Variants in PIK3C2G observed in about 807,000 individuals in gnomAD.
The protein encoded by PIK3C2G is phosphatidylinositol-4-phosphate 3-kinase catalytic subunit type 2 gamma.
PIK3C2G carries 168 observed loss-of-function variants against 181.1 expected under a neutral mutation model. The ratio of observed to expected loss-of-function variants is 0.93; its 90% confidence interval spans 0.82 to 1.05. The LOEUF (loss-of-function observed/expected upper bound fraction) is 1.05. PIK3C2G is among the 50% of genes least tolerant of loss of function. The pLI is 0.00. For synonymous variants in PIK3C2G, 573 were observed against 592.2 expected, an observed-to-expected ratio of 0.97 and a Z score of 0.47; for missense variants, 1,869 against 1,732.8, an observed-to-expected ratio of 1.08 and a Z score of -1.40.
intron 32 of PIK3C2G, among the ~76,000 whole-genome samples, chr12:18,645,222 CA>C (rs1950056036): frequency 6.6e-6 from 1 of 152,060 alleles, no homozygotes; most frequent in South Asian, 2.1e-4. Context: ...GAAAAGGTCT[CA>C]AAGAATATAA....
At chr12:18,653,952 T>C in the PIK3C2G span, among the ~76,000 whole-genome samples, 33 of 152,100 alleles carry the variant, frequency 2.2e-4, no homozygotes, top group Non-Finnish European at 4.1e-4. Flanking sequence ...GGCTCCATGA[T>C]TCCGATTTAC....
chr12:18,259,077 C>A (rs763329686), upstream of PIK3C2G, among the ~76,000 whole-genome samples: 1 of 151,910 alleles, frequency 6.6e-6, no homozygotes, highest in Admixed American at 6.6e-5. Flanking sequence ...TGTTTTTCAC[C>A]CAGGTAGTAA....
the PIK3C2G span, chr12:18,684,320 C>T: frequency 6.5e-7 from 1 of 1,539,220 alleles, no homozygotes. Flanking sequence ...TAATAGATAC[C>T]ATATCTAGGA....
intron 18 of PIK3C2G, among the ~76,000 whole-genome samples, chr12:18,432,166 A>G (rs1187546949): frequency 1.3e-5 from 2 of 152,196 alleles, no homozygotes; most frequent in Admixed American, 6.5e-5. Context: ...AAGCCTTATT[A>G]CTGCTAATAA....
At chr12:18,284,193 C>G (rs1949344175) in intron 2 of PIK3C2G, among the ~76,000 whole-genome samples, 1 of 152,092 alleles carries the variant, frequency 6.6e-6, no homozygotes, top group South Asian at 2.1e-4. Flanking sequence ...GTTAATTACA[C>G]AGACTTGAAG....
At chr12:18,290,828 G>A (rs760780384) in intron 3 of PIK3C2G, 27 bp from the exon 4 acceptor site, 3 of 1,478,788 alleles carry the variant, frequency 2.0e-6, no homozygotes, top group Non-Finnish European at 2.8e-6. Flanking sequence ...CTTGTCCTAA[G>A]TATTTTTCTT....
chr12:18,529,270 G>T (rs189872776), intron 24 of PIK3C2G, among the ~76,000 whole-genome samples: 1 of 152,056 alleles, frequency 6.6e-6, no homozygotes, highest in Non-Finnish European at 1.5e-5. Context: ...AAAGTATCAG[G>T]ATCACTTTCT....
At chr12:18,550,900 C>G in intron 26 of PIK3C2G, among the ~76,000 whole-genome samples, 1 of 151,986 alleles carries the variant, frequency 6.6e-6, no homozygotes. Flanking sequence ...CCTCTTGACC[C>G]TATTTGAGAC....
At chr12:18,415,527 TTAA>T (rs1945125659) in intron 16 of PIK3C2G, among the ~76,000 whole-genome samples, 1 of 152,184 alleles carries the variant, frequency 6.6e-6, no homozygotes, top group African/African-American at 2.4e-5. Flanking sequence ...ACTAGGCCAG[TTAA>T]TAACCCTACA....
chr12:18,491,983 G>T (rs955680297), intron 20 of PIK3C2G, among the ~76,000 whole-genome samples: 3 of 152,058 alleles, frequency 2.0e-5, no homozygotes, highest in Non-Finnish European at 2.9e-5. Context: ...ATTTTGATTC[G>T]ATTTAAAATT....
chr12:18,455,866 A>T (rs1024800298), intron 18 of PIK3C2G, among the ~76,000 whole-genome samples: 4 of 152,178 alleles, frequency 2.6e-5, no homozygotes, highest in Admixed American at 1.3e-4. Context: ...GAACACAAAC[A>T]TTCAGTTGAT....
Position 18,286,868 on chromosome 12 carries a change from C to G in PIK3C2G, c.700C>G (p.Leu234Val). The change falls in exon 3 of 33, where the codon CTA (leucine) becomes GTA (valine). Residue 234 changes from leucine to valine, a missense_variant. Transcript: ENST00000538779. The part of the protein sequence containing the change: ...NIESIGCSIQ[L>V]VEVPQSSNTS... ...TAAGTCAATAGGTTGTTCCATTCAG[C>G]TAGTGGAAGTACCTCAAAGCAGCAA... The G allele has an allele frequency of 1.3e-6, 2 of 1,561,896 alleles. No homozygotes were observed. The highest frequency in any genetic ancestry group is 1.7e-6 in the Non-Finnish European group (2 of 1,150,148).
At chr12:18,375,220 G>A (rs977854025) in intron 13 of PIK3C2G, among the ~76,000 whole-genome samples, 4 of 152,202 alleles carry the variant, frequency 2.6e-5, no homozygotes, top group African/African-American at 9.6e-5. Flanking sequence ...CCAAAATGCT[G>A]ATAGTGATAT....
At chr12:18,697,187 T>C in the PIK3C2G span, among the ~76,000 whole-genome samples, 3 of 152,118 alleles carry the variant, frequency 2.0e-5, no homozygotes, top group African/African-American at 7.2e-5. Flanking sequence ...TGGTTACTGC[T>C]TATGGCTCAC....
downstream of PIK3C2G, among the ~76,000 whole-genome samples, chr12:18,650,331 C>CTATATATATATATA (rs371220581): frequency 3.3e-5 from 3 of 91,982 alleles, no homozygotes; most frequent in African/African-American, 4.4e-5. Flanking sequence ...CTCTCTCTCT[C>CTATATATATATATA]TATATATATA....
chr12:18,547,328 A>C (rs1227302437), intron 26 of PIK3C2G, among the ~76,000 whole-genome samples: 3 of 151,920 alleles, frequency 2.0e-5, no homozygotes, highest in Non-Finnish European at 4.4e-5. Flanking sequence ...CTTCATGGGG[A>C]TGTCGTACAC....
intron 1 of PIK3C2G, among the ~76,000 whole-genome samples, chr12:18,255,351 C>T (rs983238239): frequency 2.0e-5 from 3 of 152,108 alleles, no homozygotes; most frequent in Non-Finnish European, 4.4e-5. Flanking sequence ...ACAATAATTA[C>T]TTGAATTTAT....
At chr12:18,579,790 T>C (rs1404603862) in intron 29 of PIK3C2G, among the ~76,000 whole-genome samples, 1 of 152,154 alleles carries the variant, frequency 6.6e-6, no homozygotes, top group East Asian at 1.9e-4. Flanking sequence ...CTTAAAATTT[T>C]GCTCTGTTTT....
At chr12:18,475,308 T>C (rs1938864917) in intron 18 of PIK3C2G, among the ~76,000 whole-genome samples, 1 of 150,762 alleles carries the variant, frequency 6.6e-6, no homozygotes, top group Non-Finnish European at 1.5e-5. Flanking sequence ...TGAAAATTCT[T>C]TAGAGATAAA....
Sources: gnomAD v4.1 joint callset for allele counts (sites outside exome capture counted in the v4.1 genomes callset) on GRCh38, gnomAD v4.1.1 for gene constraint, MANE v1.5 for transcripts, NCBI Gene and HGNC (gene_info 2026-07-23, HGNC 2026-07-21) for gene names.